Variants in TNFAIP8L1 observed in about 807,000 individuals in gnomAD.
The protein encoded by TNFAIP8L1 is tumor necrosis factor alpha-induced protein 8-like protein 1.
For missense variants in TNFAIP8L1, 225 were observed against 266.1 expected (o/e 0.85, Z 1.08); for synonymous variants, 127 against 125.6 (o/e 1.01, Z -0.08).
At position 4,641,025 on chromosome 19, in the gene TNFAIP8L1, A is replaced by G. The variant is rs1362272429; in HGVS notation, c.-4+1396A>G. 1 of 140,140 alleles carries G rather than the reference A, an allele frequency of 7.1e-6. No homozygotes were observed. Among genetic ancestry groups the G allele is most frequent in the African/African-American group, 2.6e-5 (1 of 38,716 alleles). 8.7% of individuals were successfully genotyped at this position (140,140 alleles called of 1,614,324 possible). A position where few individuals can be genotyped will look rare whatever the true frequency, so the allele number is the denominator to read the frequency against. ...GGTGAGTGCCTGGACCCCTGCAGGG[A>G]ATATGGGGCCGGGGGGGGGACTTGA... On this transcript the variant is annotated intron_variant, in intron 1 of 1. Transcript: ENST00000327473. The surrounding 1 kb of genome is among the most constrained non-coding windows in gnomAD (Gnocchi z 4.6).
rs992755434 is a variant in TNFAIP8L1 at position 4,645,883 on chromosome 19, G to C, written c.-3-5984G>C. On this transcript the variant is annotated intron_variant, in intron 1 of 1. Transcript: ENST00000327473. This position sits in a 1 kb window ranked among gnomAD's most constrained non-coding sequence, Gnocchi z 4.1. The stretch of plus-strand genomic sequence containing the variant: ...CGGACCTGGACAGAGGCTGTGGACA[G>C]GGCTGAGGCCTCCTGGCTGTTCCTG... 6.6e-6 allele frequency among the ~76,000 whole-genome samples: 1 copy of C among 152,098 alleles called. No homozygotes were observed. The highest frequency in any genetic ancestry group is 1.5e-5 in the Non-Finnish European group (1 of 68,000).
At position 4,654,745 on chromosome 19, in the gene TNFAIP8L1, G is replaced by A. The variant is rs8110359; in HGVS notation, c.*2315G>A. Reference sequence around the variant, plus strand: ...CTGGTACCACCCACGAGATGCGGGCGATTCTCAGCTCAGGGCGTGGAGGCG... The same window carrying A: ...CTGGTACCACCCACGAGATGCGGGCAATTCTCAGCTCAGGGCGTGGAGGCG... On this transcript the variant is annotated 3_prime_UTR_variant, in exon 2 of 2. Coordinates refer to ENST00000327473, the MANE Select transcript of TNFAIP8L1 (RefSeq NM_152362.3). 16,289 of 152,268 alleles carry A rather than the reference G, an allele frequency of 0.11. 1,139 individuals are homozygous for A. Among genetic ancestry groups the A allele is most frequent in the African/African-American group, 0.2 (8,309 of 41,528 alleles). 9.4% of individuals were successfully genotyped at this position (152,268 alleles called of 1,614,324 possible).
chr19:4,639,593 C>A lies in TNFAIP8L1; in HGVS notation c.-40C>A. ...CCCACGGAGGCGGCTGGACGGACCC[C>A]CGACGGTTGGACGTACGGACTCTGC... On this transcript the variant is annotated 5_prime_UTR_variant, in exon 1 of 2. Transcript: ENST00000327473. The A allele has an allele frequency of 6.5e-6, 1 of 152,872 alleles. No homozygotes were observed. Among genetic ancestry groups the A allele is most frequent in the South Asian group, 1.8e-4 (1 of 5,522 alleles). 9.5% of individuals were successfully genotyped at this position (152,872 alleles called of 1,614,324 possible).
At position 4,651,920 on chromosome 19, in the gene TNFAIP8L1, C is replaced by T. The variant is rs1374439178; in HGVS notation, c.51C>T (p.Leu17=). The T allele has an allele frequency of 1.2e-6, 2 of 1,613,248 alleles. No individual in the cohort carries two copies. The highest frequency in any genetic ancestry group is 8.5e-7 in the Non-Finnish European group (1 of 1,179,292). ...KSLALQAQKK[L]LSKMASKAVV... ...TGGCTCTGCAGGCGCAGAAGAAGCT[C>T]CTGAGTAAGATGGCGTCCAAGGCAG... The change falls in exon 2 of 2, where the codon CTC becomes CTT. Residue 17 remains leucine (L), a synonymous_variant. Coordinates refer to ENST00000327473, the MANE Select transcript of TNFAIP8L1 (RefSeq NM_152362.3).
At chr19:4,651,191 C>A (rs1424121579) in intron 1 of TNFAIP8L1, among the ~76,000 whole-genome samples, 1 of 151,632 alleles carries the variant, frequency 6.6e-6, no homozygotes, top group Admixed American at 6.6e-5. Context: ...TGGAACGGAA[C>A]CCCCTGTAAC....
rs375521759 is a variant in TNFAIP8L1, at chr19:4,643,149, C to A, written c.-4+3520C>A. Among the ~76,000 whole-genome samples the A allele has an allele frequency of 4.4e-4, 67 of 151,694 alleles. 1 individual carries two copies. The East Asian group carries it at 0.011, about 24-fold the overall frequency. ...CAAAAATTACCCAGGCATGGTGGCACGTGTCTGTAATACCAGCTACTCAGG... is the reference window on the plus strand; with the variant it reads ...CAAAAATTACCCAGGCATGGTGGCAAGTGTCTGTAATACCAGCTACTCAGG... On this transcript the variant is annotated intron_variant, in intron 1 of 1. Coordinates refer to ENST00000327473, the MANE Select transcript of TNFAIP8L1 (RefSeq NM_152362.3).
At chr19:4,640,788 G>T (rs546640871) in intron 1 of TNFAIP8L1, 3 of 152,326 alleles carry the variant, frequency 2.0e-5, no homozygotes, top group African/African-American at 7.2e-5. Context: ...ACTACGGCAG[G>T]TCCGAGGGCG....
At chr19:4,648,924 CTT>C (rs10526236) in intron 1 of TNFAIP8L1, among the ~76,000 whole-genome samples, 19 of 132,498 alleles carry the variant, frequency 1.4e-4, no homozygotes, top group African/African-American at 4.2e-4. Context: ...TGCAAACATC[CTT>C]TTTTTTTTTT....
intron 1 of TNFAIP8L1, among the ~76,000 whole-genome samples, chr19:4,650,667 C>T (rs1427168884): frequency 6.6e-6 from 1 of 151,906 alleles, no homozygotes; most frequent in Non-Finnish European, 1.5e-5. Flanking sequence ...TTGGCCACCT[C>T]CCCAGTCCCA....
intron 1 of TNFAIP8L1, among the ~76,000 whole-genome samples, chr19:4,650,942 C>T (rs1246765853): frequency 6.6e-6 from 1 of 152,074 alleles, no homozygotes; most frequent in Non-Finnish European, 1.5e-5. Flanking sequence ...CGAGATCGTG[C>T]CACCACACTC....
At position 4,645,251 on chromosome 19, in the gene TNFAIP8L1, T is replaced by A. The variant is rs58963067; in HGVS notation, c.-4+5622T>A. Among the ~76,000 whole-genome samples the A allele has an allele frequency of 0.17, 25,694 of 152,080 alleles. 2,297 individuals are homozygous for A. Among genetic ancestry groups the A allele is most frequent in the Middle Eastern group, 0.23 (68 of 294 alleles). ...AGCCATTATTTAACGTGGGAGAATA[T>A]AAACTTATAGTTAAGGCTGGGCGTG... is the stretch of plus-strand genomic sequence containing the variant. On this transcript the variant is annotated intron_variant, in intron 1 of 1. Transcript: ENST00000327473. This position sits in a 1 kb window ranked among gnomAD's most constrained non-coding sequence, Gnocchi z 4.1.
chr19:4,642,401 A>C (rs1599822196), intron 1 of TNFAIP8L1: 1 of 145,772 alleles, frequency 6.9e-6, no homozygotes, highest in Admixed American at 6.9e-5. Flanking sequence ...AAACACTTAA[A>C]CCCAAGAGGC....
chr19:4,644,512 T>A (rs544659854), intron 1 of TNFAIP8L1, among the ~76,000 whole-genome samples: 2 of 148,336 alleles, frequency 1.3e-5, no homozygotes, highest in East Asian at 2.1e-4. Flanking sequence ...ACCACTGCAC[T>A]CCAGCCTGGG....
chr19:4,641,916 C>T lies in TNFAIP8L1; in HGVS notation c.-4+2287C>T, dbSNP rs2088264507. 6.6e-6 allele frequency: 1 copy of T among 152,206 alleles called. No individual in the cohort carries two copies. Among genetic ancestry groups the T allele is most frequent in the Non-Finnish European group, 1.5e-5 (1 of 68,056 alleles). 9.4% of individuals were successfully genotyped at this position (152,206 alleles called of 1,614,324 possible). On this transcript the variant is annotated intron_variant, in intron 1 of 1. Transcript: ENST00000327473. This position sits in a 1 kb window ranked among gnomAD's most constrained non-coding sequence, Gnocchi z 4.6. Reference sequence around the variant, plus strand: ...GCTTTATAAACAGGCAAGCTCCTGACCCTCTGTGACTCAGTTTCCTTATAA... The same window carrying T: ...GCTTTATAAACAGGCAAGCTCCTGATCCTCTGTGACTCAGTTTCCTTATAA...
At position 4,645,846 on chromosome 19, in the gene TNFAIP8L1, C is replaced by T. The variant is rs2088305641; in HGVS notation, c.-3-6021C>T. On this transcript the variant is annotated intron_variant, in intron 1 of 1. Coordinates refer to ENST00000327473, the MANE Select transcript of TNFAIP8L1 (RefSeq NM_152362.3). The surrounding 1 kb of genome is among the most constrained non-coding windows in gnomAD (Gnocchi z 4.1). ...GCCAAGGGTCACAGCAGGGAGACCT[C>T]AGAGCTGTGGACGGACCTGGACAGA... 6.6e-6 allele frequency among the ~76,000 whole-genome samples: 1 copy of T among 152,122 alleles called. No individual in the cohort carries two copies. The highest frequency in any genetic ancestry group is 1.5e-5 in the Non-Finnish European group (1 of 68,016).
At chr19:4,646,731 C>T (rs1292444375) in intron 1 of TNFAIP8L1, among the ~76,000 whole-genome samples, 1 of 151,182 alleles carries the variant, frequency 6.6e-6, no homozygotes, top group South Asian at 2.1e-4. Flanking sequence ...CCCGGGTTCA[C>T]GCCATTCTCC....
intron 1 of TNFAIP8L1, among the ~76,000 whole-genome samples, chr19:4,646,091 G>A (rs1480358741): frequency 1.3e-5 from 2 of 151,940 alleles, no homozygotes; most frequent in African/African-American, 2.4e-5. Flanking sequence ...CTCTCTTCCT[G>A]AAATTAACTT....
chr19:4,650,834 G>A (rs1041083575), intron 1 of TNFAIP8L1, among the ~76,000 whole-genome samples: 1 of 152,072 alleles, frequency 6.6e-6, no homozygotes. Flanking sequence ...AAACCCTGTC[G>A]GGGGCCAGGT....
chr19:4,652,474 C>A lies in TNFAIP8L1; in HGVS notation c.*44C>A. On this transcript the variant is annotated 3_prime_UTR_variant, in exon 2 of 2. Coordinates refer to ENST00000327473, the MANE Select transcript of TNFAIP8L1 (RefSeq NM_152362.3). The stretch of plus-strand genomic sequence containing the variant: ...CGCGCCCCTCGCGCCTTTTGGGGCT[C>A]TCCTGCTGGGCGCGGGTGGGGTTTG... The A allele has an allele frequency of 6.9e-7, 1 of 1,458,376 alleles. No individual in the cohort carries two copies. Among genetic ancestry groups the A allele is most frequent in the South Asian group, 1.4e-5 (1 of 70,500 alleles). 90.3% of individuals were successfully genotyped at this position (1,458,376 alleles called of 1,614,324 possible). A position where few individuals can be genotyped will look rare whatever the true frequency, so the allele number is the denominator to read the frequency against.
Sources: allele counts gnomAD v4.1 joint callset (sites outside exome capture counted in the v4.1 genomes callset), GRCh38; gene constraint gnomAD v4.1.1; non-coding constraint Gnocchi (gnomAD v3.1); transcripts MANE v1.5; gene names NCBI Gene and HGNC (gene_info 2026-07-23, HGNC 2026-07-21).